The following UGT1A4 variants were observed in gnomAD, a reference collection of about 807,000 sequenced individuals.
UGT1A4 encodes the protein UDP-glucuronosyltransferase 1A4.
A neutral mutation model predicts 41.1 loss-of-function variants in UGT1A4; 32 were observed. The observed-to-expected ratio is 0.78, with a 90% CI of 0.59 to 1.05. UGT1A4 has a LOEUF of 1.05. UGT1A4 is among the 50% of genes least tolerant of loss of function. UGT1A4 has a pLI of 0.00. For missense variants in UGT1A4, 748 were observed against 677.4 expected (o/e 1.10, Z -1.16); for synonymous variants, 283 against 265.1 (o/e 1.07, Z -0.66).
rs575244143 is a variant in UGT1A4, at chr2:233,730,709, C to T, written c.867+11022C>T. Among the ~76,000 whole-genome samples, 89 of 152,156 alleles carry T rather than the reference C, an allele frequency of 5.8e-4. 1 individual carries two copies. The highest frequency in any genetic ancestry group is 6.8e-3 in the Middle Eastern group (2 of 294). ...TCAAATGATTCTTCTACTTGGAATG[C>T]TGAAATTATCAAGAAATGGCGGAAG... On this transcript the variant is annotated intron_variant, in intron 1 of 4. Coordinates refer to ENST00000373409, the MANE Select transcript of UGT1A4 (RefSeq NM_007120.3).
In UGT1A4 at chr2:233,744,010, C is replaced by A; in HGVS notation, c.868-23024C>A. 3.5e-6 allele frequency: 4 copies of A among 1,130,890 alleles called. No individual in the cohort carries two copies. In the South Asian group the frequency reaches 4.3e-5, roughly 12 times the overall value. 70.1% of individuals were successfully genotyped at this position (1,130,890 alleles called of 1,614,324 possible). On this transcript the variant is annotated intron_variant, in intron 1 of 4. Transcript: ENST00000373409. ...AGGCCCGAGTGCTCGGAGACCTGGG[C>A]CGCCTGGAGAGACGCCCCTTATGAC...
At chr2:233,730,473 C>T (rs1012603500) in intron 1 of UGT1A4, among the ~76,000 whole-genome samples, 5 of 152,168 alleles carry the variant, frequency 3.3e-5, no homozygotes, top group African/African-American at 4.8e-5. Flanking sequence ...GAGACCTAGG[C>T]ACTCACATGA....
chr2:233,729,968 G>C (rs201755757), intron 1 of UGT1A4: 1 of 1,614,008 alleles, frequency 6.2e-7, no homozygotes. Context: ...GGCATCAACT[G>C]TGCCAACAGG....
At chr2:233,732,487 T>A (rs1464258255) in intron 1 of UGT1A4, among the ~76,000 whole-genome samples, 1 of 152,252 alleles carries the variant, frequency 6.6e-6, no homozygotes, top group African/African-American at 2.4e-5. Flanking sequence ...AATTTTTGTA[T>A]AAGGCGTAAG....
intron 1 of UGT1A4, chr2:233,754,390 C>T (rs1695467678): frequency 3.3e-6 from 1 of 303,086 alleles, no homozygotes; most frequent in Admixed American, 4.5e-5. Context: ...AACAGAGGTC[C>T]TATCCGTGCA....
At chr2:233,752,552 G>C (rs942776893) in intron 1 of UGT1A4, 3 of 152,120 alleles carry the variant, frequency 2.0e-5, no homozygotes, top group Admixed American at 1.3e-4. Flanking sequence ...GCTCTTGCTG[G>C]GACAACATAG....
At chr2:233,747,985 G>A (rs1693830489) in intron 1 of UGT1A4, 11 of 1,613,486 alleles carry the variant, frequency 6.8e-6, no homozygotes, top group South Asian at 5.5e-5. Flanking sequence ...TGGCTGTTCC[G>A]AGGGGACTTT....
At chr2:233,762,380 T>C (rs1370857903) in intron 1 of UGT1A4, among the ~76,000 whole-genome samples, 1 of 152,256 alleles carries the variant, frequency 6.6e-6, no homozygotes, top group Non-Finnish European at 1.5e-5. Context: ...AATATGTATA[T>C]AGAAACATAT....
In UGT1A4 at chr2:233,722,855, T is replaced by G. The variant is rs537122940; in HGVS notation, c.867+3168T>G. Among the ~76,000 whole-genome samples, 9 of 127,428 alleles carry G rather than the reference T, an allele frequency of 7.1e-5. No individual in the cohort carries two copies. The South Asian group carries it at 1.9e-3, about 27-fold the overall frequency. 83.6% of individuals were successfully genotyped at this position (127,428 alleles called of 152,430 possible). A position where few individuals can be genotyped will look rare whatever the true frequency, so the allele number is the denominator to read the frequency against. On this transcript the variant is annotated intron_variant, in intron 1 of 4. Coordinates refer to ENST00000373409, the MANE Select transcript of UGT1A4 (RefSeq NM_007120.3). ...ATAATAAGAATGTTTCTTTTTTTTTTTTTTGAAGGAAAAAATAAATTTATT... is the reference window on the plus strand; with the variant it reads ...ATAATAAGAATGTTTCTTTTTTTTTGTTTTGAAGGAAAAAATAAATTTATT...
rs1042710 is a variant in UGT1A4 at position 233,772,562 on chromosome 2, A to G, written c.*3A>G. The G allele has an allele frequency of 6.2e-7, 1 of 1,613,458 alleles. No homozygotes were observed. The highest frequency in any genetic ancestry group is 8.5e-7 in the Non-Finnish European group (1 of 1,179,694). On this transcript the variant is annotated 3_prime_UTR_variant, in exon 5 of 5. Transcript: ENST00000373409. ...CCCACAAATCCAAGACCCATTGAGA[A>G]GTGGGTGGGAAATAAGGTAAAATTT...
At chr2:233,757,428 A>C (rs987166652) in intron 1 of UGT1A4, among the ~76,000 whole-genome samples, 1 of 151,108 alleles carries the variant, frequency 6.6e-6, no homozygotes, top group Non-Finnish European at 1.5e-5. Flanking sequence ...AAGAGAAGAA[A>C]AGTCACTTCT....
At chr2:233,747,619 C>T (rs988412052) in intron 1 of UGT1A4, 2 of 1,575,824 alleles carry the variant, frequency 1.3e-6, no homozygotes, top group Admixed American at 1.7e-5. Flanking sequence ...CATAATGAGG[C>T]CCTGATCAGG....
At chr2:233,754,805 AG>A (rs755746097) in intron 1 of UGT1A4, 241 of 1,294,792 alleles carry the variant, frequency 1.9e-4, no homozygotes, top group Non-Finnish European at 2.3e-4. Context: ...TATCAAAAGA[AG>A]AAAAACCACC....
At chr2:233,734,786 A>T (rs2078566040) in intron 1 of UGT1A4, among the ~76,000 whole-genome samples, 1 of 152,216 alleles carries the variant, frequency 6.6e-6, no homozygotes, top group Non-Finnish European at 1.5e-5. Context: ...GTAGTCATTC[A>T]GGAGCAGGTT....
At chr2:233,747,820 A>T in intron 1 of UGT1A4, 1 of 1,613,402 alleles carries the variant, frequency 6.2e-7, no homozygotes, top group East Asian at 2.2e-5. Context: ...ACCAATTCAG[A>T]CCACATGACA....
chr2:233,742,980 A>C (rs890471778), intron 1 of UGT1A4: 2 of 228,494 alleles, frequency 8.8e-6, no homozygotes, highest in African/African-American at 4.7e-5. Flanking sequence ...CTTAAGTTTA[A>C]TAAATAGCAA....
In UGT1A4 at chr2:233,719,637, A is replaced by T; in HGVS notation, c.817A>T (p.Met273Leu). The part of the protein sequence containing the change: ...MDYPRPIMPN[M>L]VFIGGINCAN... ...CTACCCCAGGCCGATCATGCCCAAC[A>T]TGGTCTTCATTGGGGGCATCAACTG... The change falls in exon 1 of 5, where the codon ATG becomes TTG. Residue 273 changes from methionine (M) to leucine (L), a missense_variant. Met to Leu is a conservative substitution (Grantham distance 15). Transcript: ENST00000373409. 6.2e-7 allele frequency: 1 copy of T among 1,614,040 alleles called. No individual in the cohort carries two copies.
chr2:233,767,408 G>A (rs1042627267), intron 2 of UGT1A4, among the ~76,000 whole-genome samples: 3 of 152,112 alleles, frequency 2.0e-5, no homozygotes, highest in Non-Finnish European at 2.9e-5. Flanking sequence ...TTCTCTAAGA[G>A]ACTCAAAAGT....
Position 233,760,202 on chromosome 2 carries a change from A to C in UGT1A4, c.868-6832A>C, listed in dbSNP as rs1457649665. ...TTTTATAGTCACGTGACACAGTCAA[A>C]CATTAACTTGGTGTATCGATTGGTT... On this transcript the variant is annotated intron_variant, in intron 1 of 4. Transcript: ENST00000373409. 3.2e-6 allele frequency: 5 copies of C among 1,583,728 alleles called. No homozygotes were observed. The Admixed American group carries it at 8.5e-5, about 27-fold the overall frequency.
Sources: allele counts gnomAD v4.1 joint callset (sites outside exome capture counted in the v4.1 genomes callset), GRCh38; gene constraint gnomAD v4.1.1; transcripts MANE v1.5; gene names NCBI Gene and HGNC (gene_info 2026-07-23, HGNC 2026-07-21).